The following GIGYF2 variants were observed in gnomAD, a reference collection of about 807,000 sequenced individuals.
GIGYF2 encodes the protein GRB10-interacting GYF protein 2.
In GIGYF2, 25 loss-of-function variants were observed where a neutral mutation model predicts 208.1. The observed-to-expected ratio is 0.12, with a 90% confidence interval of 0.09 to 0.17. The LOEUF (loss-of-function observed/expected upper bound fraction) is 0.17, where lower values mean the gene tolerates loss of function less well. Ranked by LOEUF, GIGYF2 falls within the 10% of genes least tolerant of loss-of-function variation. GIGYF2 has a pLI of 1.00. For synonymous variants in GIGYF2, 534 were observed against 543.8 expected, an observed-to-expected ratio of 0.98 and a Z score of 0.25; for missense variants, 1,302 against 1,579.4, an observed-to-expected ratio of 0.82 and a Z score of 2.98.
chr2:232,733,496 G>T (rs1181747644), intron 2 of GIGYF2, among the ~76,000 whole-genome samples: 1 of 152,178 alleles, frequency 6.6e-6, no homozygotes, highest in African/African-American at 2.4e-5. Flanking sequence ...CTAAGCTTTA[G>T]ACATATTTGT....
At chr2:232,710,427 G>C (rs1180375086) in intron 2 of GIGYF2, among the ~76,000 whole-genome samples, 1 of 152,130 alleles carries the variant, frequency 6.6e-6, no homozygotes, top group East Asian at 1.9e-4. Context: ...AGTGAGTTCT[G>C]TCTGTGGGTC....
chr2:232,756,545 T>C (rs1365661499), intron 6 of GIGYF2, among the ~76,000 whole-genome samples: 1 of 152,206 alleles, frequency 6.6e-6, no homozygotes, highest in Non-Finnish European at 1.5e-5. Flanking sequence ...ATTCTAGCTG[T>C]ACAGATTTGA....
chr2:232,774,081 A>G (rs1351025367), intron 8 of GIGYF2, among the ~76,000 whole-genome samples: 1 of 151,936 alleles, frequency 6.6e-6, no homozygotes, highest in Non-Finnish European at 1.5e-5. Flanking sequence ...CGGGAATTCA[A>G]GACCGATCTG....
chr2:232,810,048 C>T lies in GIGYF2; in HGVS notation c.1898+237C>T, dbSNP rs113386723. On this transcript the variant is annotated intron_variant, in intron 16 of 28. Transcript: ENST00000373563. Reference sequence around the variant, plus strand: ...TGTCATCCAGGCTGGAGTGCAGTGGCATGATCTCGGCTCACTGCAACCTCT... The same window carrying T: ...TGTCATCCAGGCTGGAGTGCAGTGGTATGATCTCGGCTCACTGCAACCTCT... 8.9e-3 allele frequency among the ~76,000 whole-genome samples: 1,349 copies of T among 152,302 alleles called. 26 individuals carry two copies. The highest frequency in any genetic ancestry group is 0.031 in the African/African-American group (1,280 of 41,552).
At chr2:232,756,449 A>T in intron 6 of GIGYF2, 115 bp downstream of exon 6, 1 of 589,828 alleles carries the variant, frequency 1.7e-6, no homozygotes, top group Non-Finnish European at 3.0e-6. Context: ...CATTAACTGC[A>T]TACTAAATGT....
intron 3 of GIGYF2, among the ~76,000 whole-genome samples, chr2:232,746,871 CATT>C (rs1324303882): frequency 1.3e-5 from 2 of 152,040 alleles, no homozygotes; most frequent in African/African-American, 4.8e-5. Flanking sequence ...AAAAATAAAA[CATT>C]GTAGGTACAA....
At chr2:232,800,351 A>G (rs937954548) in intron 14 of GIGYF2, among the ~76,000 whole-genome samples, 4 of 152,126 alleles carry the variant, frequency 2.6e-5, no homozygotes, top group African/African-American at 9.7e-5. Context: ...GTGGATATCC[A>G]ATTTTCCAAA....
At chr2:232,708,646 G>A (rs544663133) in intron 2 of GIGYF2, among the ~76,000 whole-genome samples, 12 of 148,056 alleles carry the variant, frequency 8.1e-5, no homozygotes, top group Middle Eastern at 3.4e-3. Flanking sequence ...ACCAGCCTGG[G>A]CAACATGGCA....
chr2:232,697,982 A>C (rs1169049529), intron 1 of GIGYF2, among the ~76,000 whole-genome samples: 1 of 152,216 alleles, frequency 6.6e-6, no homozygotes, highest in Non-Finnish European at 1.5e-5. Flanking sequence ...GGCGAGGTGC[A>C]GCCACCATGA....
intron 28 of GIGYF2, among the ~76,000 whole-genome samples, chr2:232,852,468 A>C (rs974482229): frequency 1.3e-5 from 2 of 152,162 alleles, no homozygotes; most frequent in Non-Finnish European, 2.9e-5. Context: ...TCACTTGAGC[A>C]GCCTAGGAGG....
rs3062047 is a variant in GIGYF2, at chr2:232,781,287, T to TACACACACACACACACAC, written c.533-5845_533-5828dup. Among the ~76,000 whole-genome samples the TACACACACACACACACAC allele has an allele frequency of 6.1e-3, 773 of 127,074 alleles. 5 individuals carry two copies. Among genetic ancestry groups the TACACACACACACACACAC allele is most frequent in the African/African-American group, 0.013 (416 of 31,942 alleles). 83.4% of individuals were successfully genotyped at this position (127,074 alleles called of 152,430 possible). On this transcript the variant is annotated intron_variant, in intron 8 of 28. Coordinates refer to ENST00000373563, the MANE Select transcript of GIGYF2 (RefSeq NM_001103146.3). Reference sequence around the variant, plus strand: ...TATTTATTTTAAATTATATCAGGAATACACACACACACACACACACACACA... The same window carrying TACACACACACACACACAC: ...TATTTATTTTAAATTATATCAGGAATACACACACACACACACACACACACACACACACACACACACACA...
chr2:232,716,440 A>G (rs1163361325), intron 2 of GIGYF2, among the ~76,000 whole-genome samples: 1 of 140,078 alleles, frequency 7.1e-6, no homozygotes, highest in Non-Finnish European at 1.5e-5. Context: ...GTGTAGTGGC[A>G]CGATCTCGGC....
At chr2:232,705,540 G>C (rs1696060333) in intron 2 of GIGYF2, 1 of 152,218 alleles carries the variant, frequency 6.6e-6, no homozygotes, top group African/African-American at 2.4e-5. Context: ...CGAGTAGCTG[G>C]GATTACAGGC....
In GIGYF2 at chr2:232,768,036, T is replaced by A. The variant is rs867077234; in HGVS notation, c.532+6600T>A. 7 of 701,230 alleles carry A rather than the reference T, an allele frequency of 1.0e-5. 1 individual carries two copies. The South Asian group carries it at 1.1e-4, about 11-fold the overall frequency. The allele number at this position is 701,230 out of a possible 1,614,324, so 43.4% of individuals were successfully genotyped here. A position where few individuals can be genotyped will look rare whatever the true frequency, so the allele number is the denominator to read the frequency against. Reference sequence around the variant, plus strand: ...AGTGTTATGTTTCCAGAATGTGTATTGTTAGCTCAGCCATTCTTATGTAGG... The same window carrying A: ...AGTGTTATGTTTCCAGAATGTGTATAGTTAGCTCAGCCATTCTTATGTAGG... On this transcript the variant is annotated intron_variant, in intron 8 of 28. Coordinates refer to ENST00000373563, the MANE Select transcript of GIGYF2 (RefSeq NM_001103146.3).
intron 22 of GIGYF2, among the ~76,000 whole-genome samples, chr2:232,833,603 A>G (rs1056284736): frequency 6.6e-6 from 1 of 152,242 alleles, no homozygotes; most frequent in African/African-American, 2.4e-5. Flanking sequence ...AATGCAGGCA[A>G]AACAAGTAAA....
Position 232,833,002 on chromosome 2 carries a change from A to C in GIGYF2, c.2675A>C (p.Gln892Pro), listed in dbSNP as rs1701471218. The change falls in exon 22 of 29, where the codon CAG (glutamine) becomes CCG (proline). Residue 892 changes from glutamine (Q) to proline (P), a missense_variant. This residue lies in a region of GIGYF2 where 701 missense variants were observed against 793.0 expected (regional missense o/e 0.88). Transcript: ENST00000373563. ...RKRKELEVQR[Q>P]KELMRQRQQQ... ...AGAAAGGAGCTGGAGGTCCAGCGGC[A>C]GAAGGAGTTAATGCGCCAGAGGCAG... The C allele has an allele frequency of 6.4e-7, 1 of 1,572,526 alleles. No individual in the cohort carries two copies. Among genetic ancestry groups the C allele is most frequent in the South Asian group, 1.2e-5 (1 of 85,302 alleles).
chr2:232,786,138 G>A (rs1699901355), intron 8 of GIGYF2, among the ~76,000 whole-genome samples: 1 of 152,170 alleles, frequency 6.6e-6, no homozygotes, highest in Non-Finnish European at 1.5e-5. Context: ...TAACTTTTGA[G>A]ACATTAGGTT....
At chr2:232,820,316 CTT>C (rs199677992) in intron 21 of GIGYF2, among the ~76,000 whole-genome samples, 85,158 of 138,466 alleles carry the variant, frequency 0.62, 25,596 homozygotes, top group East Asian at 0.65. Context: ...GCAATAATTT[CTT>C]TTTTTTTTTT....
At chr2:232,757,758 C>G (rs1698603988) in intron 6 of GIGYF2, among the ~76,000 whole-genome samples, 1 of 147,962 alleles carries the variant, frequency 6.8e-6, no homozygotes, top group Admixed American at 6.8e-5. Context: ...ACCAACCAAT[C>G]TCTGAACAGC....
Sources: gnomAD v4.1 joint callset for allele counts (sites outside exome capture counted in the v4.1 genomes callset) on GRCh38, gnomAD v4.1.1 for gene constraint, gnomAD v4.1.1 regional missense constraint, MANE v1.5 for transcripts, NCBI Gene and HGNC (gene_info 2026-07-23, HGNC 2026-07-21) for gene names.